Variants in DLG2 observed in about 807,000 individuals in gnomAD.
DLG2 encodes disks large homolog 2.
In DLG2, 45 loss-of-function variants were observed where a neutral mutation model predicts 132.5. The observed-to-expected ratio is 0.34, with a 90% CI of 0.27 to 0.44. The LOEUF is 0.44. Ranked by LOEUF, DLG2 falls within the 20% of genes least tolerant of loss-of-function variation. DLG2 has a pLI of 1.00. For synonymous variants in DLG2, 424 were observed against 419.6 expected (o/e 1.01, Z -0.13); for missense variants, 1,045 against 1,196.9 (o/e 0.87, Z 1.87).
At chr11:85,606,791 A>G (rs2080585662) in intron 2 of DLG2, among the ~76,000 whole-genome samples, 1 of 152,052 alleles carries the variant, frequency 6.6e-6, no homozygotes, top group Non-Finnish European at 1.5e-5. Flanking sequence ...GGAGGAATAA[A>G]TAACTCCAGA....
rs376391007 is a variant in DLG2, at chr11:83,760,286, C to T, written c.1825+26404G>A. 5.3e-5 allele frequency among the ~76,000 whole-genome samples: 8 copies of T among 152,294 alleles called. No individual in the cohort carries two copies. In the South Asian group the frequency reaches 1.0e-3, roughly 20 times the overall value. ...AAATTTAAGAATTTAAGAAGTCCAG[C>T]TTATATTCCCATTATTGGCAGATAA... is the stretch of plus-strand genomic sequence containing the variant. On this transcript the variant is annotated intron_variant, in intron 18 of 27. Coordinates refer to ENST00000376104, the MANE Select transcript of DLG2 (RefSeq NM_001142699.3).
At chr11:83,668,181 G>A (rs540335530) in intron 18 of DLG2, among the ~76,000 whole-genome samples, 6 of 152,016 alleles carry the variant, frequency 3.9e-5, no homozygotes, top group East Asian at 1.9e-4. Context: ...CATCACAGAC[G>A]TGGTGGATAT....
At chr11:83,945,845 T>TGTG (rs1555194131) in intron 14 of DLG2, among the ~76,000 whole-genome samples, 37 of 150,736 alleles carry the variant, frequency 2.5e-4, no homozygotes, top group African/African-American at 7.6e-4. Flanking sequence ...TGTGTGTGTG[T>TGTG]TTTCTAATGT....
chr11:84,705,574 T>C (rs972369221), intron 6 of DLG2, among the ~76,000 whole-genome samples: 3 of 151,760 alleles, frequency 2.0e-5, no homozygotes, highest in Non-Finnish European at 2.9e-5. Context: ...TCACAAAATA[T>C]AGGTTACTAT....
chr11:85,512,408 T>C (rs955190011), intron 3 of DLG2, among the ~76,000 whole-genome samples: 7 of 152,112 alleles, frequency 4.6e-5, no homozygotes, highest in African/African-American at 1.7e-4. Context: ...GTTGAGATAT[T>C]TAAAAACTAA....
intron 5 of DLG2, among the ~76,000 whole-genome samples, chr11:85,150,115 G>A (rs1177631233): frequency 6.8e-6 from 1 of 146,492 alleles, no homozygotes; most frequent in East Asian, 2.0e-4. Flanking sequence ...CGCCTCCCGA[G>A]TTCACGCCAT....
At chr11:83,624,660 G>A (rs191074305) in intron 19 of DLG2, among the ~76,000 whole-genome samples, 41 of 152,232 alleles carry the variant, frequency 2.7e-4, no homozygotes, top group African/African-American at 8.4e-4. Context: ...TCAGTTTAAC[G>A]TCATCCTAAC....
intron 6 of DLG2, among the ~76,000 whole-genome samples, chr11:84,950,449 C>T (rs1591724650): frequency 6.6e-6 from 1 of 152,086 alleles, no homozygotes; most frequent in South Asian, 2.1e-4. Flanking sequence ...GACAAAAATT[C>T]TGAATGACAA....
chr11:85,081,720 C>T (rs894710041), intron 6 of DLG2, among the ~76,000 whole-genome samples: 4 of 152,144 alleles, frequency 2.6e-5, no homozygotes, highest in African/African-American at 9.7e-5. Context: ...GTTGGAATTA[C>T]TGTGGCTGCT....
chr11:84,570,209 C>T (rs2099476149), intron 6 of DLG2, among the ~76,000 whole-genome samples: 1 of 152,172 alleles, frequency 6.6e-6, no homozygotes, highest in Non-Finnish European at 1.5e-5. Context: ...AAGACCCTCC[C>T]CTATCAACTT....
At chr11:85,199,161 T>C (rs964115814) in intron 4 of DLG2, among the ~76,000 whole-genome samples, 1 of 152,160 alleles carries the variant, frequency 6.6e-6, no homozygotes, top group African/African-American at 2.4e-5. Flanking sequence ...AGTGAATAAC[T>C]CTTCAATAGA....
intron 7 of DLG2, among the ~76,000 whole-genome samples, chr11:84,429,079 C>T (rs148208551): frequency 1.6e-4 from 25 of 152,192 alleles, no homozygotes; most frequent in Middle Eastern, 3.4e-3. Flanking sequence ...AAAGAAGAGC[C>T]CCTGAGCATT....
Position 85,488,525 on chromosome 11 carries a change from G to A in DLG2, c.40+110132C>T, listed in dbSNP as rs187060544. Reference sequence around the variant, plus strand: ...AACCTCTTTTTCTTCCCAGTCTCAGGCATGTCTTCATCAGCAGTGTGAAAA... The same window carrying A: ...AACCTCTTTTTCTTCCCAGTCTCAGACATGTCTTCATCAGCAGTGTGAAAA... On this transcript the variant is annotated intron_variant, in intron 3 of 27. Transcript: ENST00000376104. Among the ~76,000 whole-genome samples, 21 of 152,236 alleles carry A rather than the reference G, an allele frequency of 1.4e-4. 1 individual carries two copies. Among genetic ancestry groups the A allele is most frequent in the African/African-American group, 4.1e-4 (17 of 41,540 alleles).
chr11:83,767,667 AC>A (rs2094200519), intron 18 of DLG2, among the ~76,000 whole-genome samples: 1 of 152,026 alleles, frequency 6.6e-6, no homozygotes. Context: ...CCCCTATCTC[AC>A]AGGCTTGTTT....
intron 4 of DLG2, among the ~76,000 whole-genome samples, chr11:85,280,722 T>C (rs2078171216): frequency 6.6e-6 from 1 of 151,998 alleles, no homozygotes; most frequent in African/African-American, 2.4e-5. Flanking sequence ...GTTATTATAG[T>C]GTTGGCAGAC....
intron 19 of DLG2, among the ~76,000 whole-genome samples, chr11:83,548,108 G>A (rs1056355835): frequency 6.6e-6 from 1 of 152,164 alleles, no homozygotes; most frequent in East Asian, 1.9e-4. Flanking sequence ...TGGTTACACA[G>A]TGGTGGAAAG....
At chr11:85,253,373 G>A (rs2076495354) in intron 4 of DLG2, among the ~76,000 whole-genome samples, 1 of 152,202 alleles carries the variant, frequency 6.6e-6, no homozygotes, top group Non-Finnish European at 1.5e-5. Context: ...CCCTTTGTGG[G>A]TGGAAACTGG....
chr11:84,036,199 T>G (rs1480966093), intron 11 of DLG2, among the ~76,000 whole-genome samples: 1 of 152,068 alleles, frequency 6.6e-6, no homozygotes, highest in Non-Finnish European at 1.5e-5. Flanking sequence ...AACTCTAGGC[T>G]TTAGAGGTTA....
Position 83,672,295 on chromosome 11 carries a change from C to T in DLG2, c.1826-38970G>A, listed in dbSNP as rs556603836. ...TGCCTCCCGGGTTCAAGTGATTCTC[C>T]TGCCTCAGCCTCCCAAGTGGTTGGG... is the stretch of plus-strand genomic sequence containing the variant. On this transcript the variant is annotated intron_variant, in intron 18 of 27. Transcript: ENST00000376104. 1.6e-4 allele frequency among the ~76,000 whole-genome samples: 25 copies of T among 152,202 alleles called. No homozygotes were observed. The South Asian group carries it at 4.2e-3, about 25-fold the overall frequency.
Sources: gnomAD v4.1 joint callset for allele counts (sites outside exome capture counted in the v4.1 genomes callset) on GRCh38, gnomAD v4.1.1 for gene constraint, MANE v1.5 for transcripts, NCBI Gene and HGNC (gene_info 2026-07-23, HGNC 2026-07-21) for gene names.